ENAH: variants seen among roughly 807,000 people sequenced by gnomAD.
ENAH encodes protein enabled homolog.
A neutral mutation model predicts 78.7 loss-of-function variants in ENAH; 23 were observed. That is an observed-to-expected ratio of 0.29 (90% CI 0.21 to 0.41). ENAH has a LOEUF of 0.41. Ranked by LOEUF, ENAH falls within the 10% of genes least tolerant of loss-of-function variation. ENAH has a pLI of 1.00. For missense variants in ENAH, 544 were observed against 691.0 expected (o/e 0.79, Z 2.39); for synonymous variants, 226 against 241.0 (o/e 0.94, Z 0.58).
At chr1:225,539,462 CA>C (rs1434758032) in intron 3 of ENAH, among the ~76,000 whole-genome samples, 2 of 152,146 alleles carry the variant, frequency 1.3e-5, no homozygotes, top group East Asian at 3.8e-4. Flanking sequence ...GGGATAAGCT[CA>C]AAAACTGAGA....
At chr1:225,512,844 C>A in intron 8 of ENAH, 27 bp downstream of exon 8, 1 of 1,611,256 alleles carries the variant, frequency 6.2e-7, no homozygotes, top group South Asian at 1.1e-5. Context: ...CAATTCTGGG[C>A]ATGTCCATTA....
At chr1:225,520,247 A>C (rs907021855) in intron 4 of ENAH, among the ~76,000 whole-genome samples, 1 of 151,876 alleles carries the variant, frequency 6.6e-6, no homozygotes, top group African/African-American at 2.4e-5. Context: ...GTGAGCCGAG[A>C]TCGTGCCACT....
intron 1 of ENAH, among the ~76,000 whole-genome samples, chr1:225,627,006 G>A (rs185703896): frequency 3.3e-5 from 5 of 152,276 alleles, no homozygotes; most frequent in Admixed American, 3.3e-4. Context: ...AAATCCTCTA[G>A]TGAGAATTTT....
At position 225,497,653 on chromosome 1, in the gene ENAH, T is replaced by C. The variant is rs2096255910; in HGVS notation, c.*122A>G. The stretch of plus-strand genomic sequence containing the variant: ...CAGAGTAGGTTGGTTTTTCCCTCCT[T>C]CTGTTTGTCTCCATTTTCTTCTTAC... On this transcript the variant is annotated 3_prime_UTR_variant, in exon 14 of 14. Coordinates refer to ENST00000366843, the MANE Select transcript of ENAH (RefSeq NM_018212.6). The C allele has an allele frequency of 4.2e-6, 4 of 947,728 alleles. No individual in the cohort carries two copies. In the East Asian group the frequency reaches 1.1e-4, roughly 25 times the overall value. The allele number at this position is 947,728 out of a possible 1,614,324, so 58.7% of individuals were successfully genotyped here.
chr1:225,587,106 C>T (rs78864256), intron 1 of ENAH, among the ~76,000 whole-genome samples: 6,615 of 152,162 alleles, frequency 0.043, 237 homozygotes, highest in South Asian at 0.12. Flanking sequence ...TTTTGAAATA[C>T]TGAACTCCTT....
intron 3 of ENAH, among the ~76,000 whole-genome samples, chr1:225,538,801 C>T (rs1206528815): frequency 6.6e-6 from 1 of 152,136 alleles, no homozygotes; most frequent in African/African-American, 2.4e-5. Context: ...TATTTTTAGT[C>T]GTGAAATGAA....
chr1:225,584,322 A>T (rs1279076866), intron 1 of ENAH, among the ~76,000 whole-genome samples: 1 of 152,236 alleles, frequency 6.6e-6, no homozygotes, highest in African/African-American at 2.4e-5. Flanking sequence ...AGGTTTCTAC[A>T]TTTTATGCAA....
chr1:225,623,542 C>A (rs768807033), intron 1 of ENAH, among the ~76,000 whole-genome samples: 1 of 151,464 alleles, frequency 6.6e-6, no homozygotes, highest in African/African-American at 2.4e-5. Flanking sequence ...TTCCTGCCCC[C>A]CAAGTTGTGA....
intron 1 of ENAH, among the ~76,000 whole-genome samples, chr1:225,626,357 G>C (rs1410649821): frequency 1.3e-5 from 2 of 152,208 alleles, no homozygotes; most frequent in Non-Finnish European, 2.9e-5. Flanking sequence ...GAATGTATGT[G>C]TCTCTCCAAA....
At chr1:225,526,442 G>A (rs912937835) in intron 4 of ENAH, among the ~76,000 whole-genome samples, 2 of 151,454 alleles carry the variant, frequency 1.3e-5, no homozygotes, top group African/African-American at 2.4e-5. Context: ...GGGTTCAAGC[G>A]ATTCTTCTGC....
At chr1:225,541,250 C>T (rs1460404824) in intron 3 of ENAH, among the ~76,000 whole-genome samples, 1 of 151,328 alleles carries the variant, frequency 6.6e-6, no homozygotes, top group South Asian at 2.1e-4. Flanking sequence ...CTGGCTAACA[C>T]GGTGAAACTC....
At chr1:225,537,485 T>A (rs1005781512) in intron 3 of ENAH, among the ~76,000 whole-genome samples, 2 of 152,226 alleles carry the variant, frequency 1.3e-5, no homozygotes, top group Admixed American at 1.3e-4. Context: ...GCTAAATTAT[T>A]CATGCCATCA....
In ENAH at chr1:225,491,935, A is replaced by T. The variant is rs2096224077; in HGVS notation, c.*5840T>A. ...GAAATCTTTCTTGGAATTGAAGGGAACAGTTAAATCAGATTTACATGATAA... is the reference window on the plus strand; with the variant it reads ...GAAATCTTTCTTGGAATTGAAGGGATCAGTTAAATCAGATTTACATGATAA... On this transcript the variant is annotated 3_prime_UTR_variant, in exon 14 of 14. Transcript: ENST00000366843. The T allele has an allele frequency of 6.6e-6, 1 of 152,208 alleles. No homozygotes were observed. Among genetic ancestry groups the T allele is most frequent in the South Asian group, 2.1e-4 (1 of 4,832 alleles). The allele number at this position is 152,208 out of a possible 1,614,324, so 9.4% of individuals were successfully genotyped here. A position where few individuals can be genotyped will look rare whatever the true frequency, so the allele number is the denominator to read the frequency against.
At chr1:225,586,412 A>C (rs899990575) in intron 1 of ENAH, among the ~76,000 whole-genome samples, 1 of 152,100 alleles carries the variant, frequency 6.6e-6, no homozygotes, top group African/African-American at 2.4e-5. Context: ...AATTGTGTCA[A>C]ATAGCTCAGG....
chr1:225,541,520 C>T (rs1460102450), intron 3 of ENAH, among the ~76,000 whole-genome samples: 1 of 151,998 alleles, frequency 6.6e-6, no homozygotes, highest in Non-Finnish European at 1.5e-5. Context: ...CTGAATTGTA[C>T]CCTTTAAATG....
Position 225,595,765 on chromosome 1 carries a change from T to C in ENAH, c.6-28351A>G, listed in dbSNP as rs76106785. Among the ~76,000 whole-genome samples, 978 of 152,282 alleles carry C rather than the reference T, an allele frequency of 6.4e-3. 7 individuals are homozygous for C. Among genetic ancestry groups the C allele is most frequent in the African/African-American group, 0.022 (908 of 41,544 alleles). On this transcript the variant is annotated intron_variant, in intron 1 of 13. Transcript: ENST00000366843. The stretch of plus-strand genomic sequence containing the variant: ...AGTTCAAAACATTAAATGAATTTCA[T>C]CTAACATTTAGGAATATGACTGAAA...
chr1:225,513,224 G>A (rs1170744694), intron 7 of ENAH, among the ~76,000 whole-genome samples: 1 of 152,128 alleles, frequency 6.6e-6, no homozygotes, highest in Non-Finnish European at 1.5e-5. Context: ...AGAATGCAAT[G>A]AAACAGTATC....
intron 4 of ENAH, chr1:225,524,809 G>T: frequency 3.2e-6 from 1 of 316,784 alleles, no homozygotes; most frequent in Non-Finnish European, 4.6e-6. Context: ...ACATAGGACT[G>T]ACTCATGTTT....
At chr1:225,627,944 C>T (rs536061840) in intron 1 of ENAH, among the ~76,000 whole-genome samples, 11 of 152,014 alleles carry the variant, frequency 7.2e-5, no homozygotes, top group Admixed American at 3.9e-4. Context: ...ACCAACTTAT[C>T]AAAATAATTA....
Sources: allele counts gnomAD v4.1 joint callset (sites outside exome capture counted in the v4.1 genomes callset), GRCh38; gene constraint gnomAD v4.1.1; transcripts MANE v1.5; gene names NCBI Gene and HGNC (gene_info 2026-07-23, HGNC 2026-07-21).